CLSPN: variants seen among roughly 807,000 people sequenced by gnomAD.
CLSPN encodes the protein claspin.
Under a neutral mutation model 156.3 loss-of-function variants are expected in CLSPN, and 85 were observed. That is an observed-to-expected ratio of 0.54 (90% CI 0.46 to 0.65). The LOEUF (loss-of-function observed/expected upper bound fraction) is 0.65, where lower values mean the gene tolerates loss of function less well. CLSPN is among the 30% of genes least tolerant of loss of function. CLSPN has a pLI of 0.00. For synonymous variants in CLSPN, 534 were observed against 542.4 expected (o/e 0.98, Z 0.22); for missense variants, 1,407 against 1,554.9 (o/e 0.90, Z 1.60).
At chr1:35,739,881 G>A (rs1402150193) in intron 18 of CLSPN, among the ~76,000 whole-genome samples, 1 of 152,188 alleles carries the variant, frequency 6.6e-6, no homozygotes, top group East Asian at 1.9e-4. Context: ...TATGTCTTGT[G>A]TGCTAATAAC....
chr1:35,731,548 G>C (rs1042722139), downstream of CLSPN, among the ~76,000 whole-genome samples: 27 of 152,326 alleles, frequency 1.8e-4, no homozygotes, highest in African/African-American at 6.3e-4. Context: ...TCTGGCTGCT[G>C]TGCAGATTGG....
In CLSPN at chr1:35,738,084, T is replaced by G; in HGVS notation, c.3572A>C (p.Lys1191Thr). The change falls in exon 22 of 25, where the codon AAA becomes ACA. Residue 1191 changes from lysine to threonine, a missense_variant. Coordinates refer to ENST00000318121, the MANE Select transcript of CLSPN (RefSeq NM_022111.4). Reference protein sequence around the residue: ...QWLRDMAQQGKITAEEEEEIG... With the variant: ...QWLRDMAQQGTITAEEEEEIG... ...TTCTTCTTCTTCTTCAGCTGTAATT[T>G]TCCCCTGCTGTGCCTGAAAAAAAAA... 1 of 1,390,776 alleles carries G rather than the reference T, an allele frequency of 7.2e-7. No homozygotes were observed. The highest frequency in any genetic ancestry group is 2.2e-5 in the Admixed American group (1 of 46,452). The allele number at this position is 1,390,776 out of a possible 1,614,324, so 86.2% of individuals were successfully genotyped here. A position where few individuals can be genotyped will look rare whatever the true frequency, so the allele number is the denominator to read the frequency against.
chr1:35,735,794 T>C lies in CLSPN; in HGVS notation c.*702A>G, dbSNP rs950726663. The C allele has an allele frequency of 1.8e-4, 182 of 985,104 alleles. No individual in the cohort carries two copies. Among genetic ancestry groups the C allele is most frequent in the Non-Finnish European group, 2.1e-4 (172 of 829,888 alleles). 61.0% of individuals were successfully genotyped at this position (985,104 alleles called of 1,614,324 possible). On this transcript the variant is annotated 3_prime_UTR_variant, in exon 25 of 25. Coordinates refer to ENST00000318121, the MANE Select transcript of CLSPN (RefSeq NM_022111.4). Reference sequence around the variant, plus strand: ...TGTAAAGGAGTCATTATGGTACTGATTTTCACTGTTTAATCTGTAATGTCA... The same window carrying C: ...TGTAAAGGAGTCATTATGGTACTGACTTTCACTGTTTAATCTGTAATGTCA...
chr1:35,753,619 T>G, intron 9 of CLSPN, 126 bp downstream of exon 9: 1 of 840,594 alleles, frequency 1.2e-6, no homozygotes, highest in Non-Finnish European at 1.9e-6. Context: ...ATGCCAGAGA[T>G]ACTGCTCTGC....
rs755539172 is a variant in CLSPN, at chr1:35,761,141, C to T, written c.959G>A (p.Arg320His). Reference protein sequence around the residue: ...ENKTIHDFFKRKPRPTCHGNA... With the variant: ...ENKTIHDFFKHKPRPTCHGNA... The stretch of plus-strand genomic sequence containing the variant: ...TCCGTGGCAAGTGGGCCGGGGTTTA[C>T]GTTTGAAGAAATCATGAATGGTTTT... The change falls in exon 7 of 25, where the codon CGT (arginine) becomes CAT (histidine). Residue 320 changes from arginine to histidine, a missense_variant. Transcript: ENST00000318121. 3.6e-5 allele frequency: 58 copies of T among 1,613,518 alleles called. No individual in the cohort carries two copies. The East Asian group carries it at 6.7e-4, about 19-fold the overall frequency.
chr1:35,745,327 C>A, intron 16 of CLSPN, 124 bp downstream of exon 16: 1 of 668,238 alleles, frequency 1.5e-6, no homozygotes, highest in Non-Finnish European at 2.6e-6. Flanking sequence ...GCTTACTAGG[C>A]ATATATGAGA....
intron 10 of CLSPN, 102 bp from the exon 11 acceptor site, chr1:35,749,913 T>A (rs1642024725): frequency 1.5e-6 from 2 of 1,315,582 alleles, no homozygotes; most frequent in Middle Eastern, 2.7e-4. Flanking sequence ...ACAGATCACA[T>A]CTTAAATTCA....
At chr1:35,721,294 A>G (rs1252693412) in intron 24 of CLSPN, among the ~76,000 whole-genome samples, 1 of 151,994 alleles carries the variant, frequency 6.6e-6, no homozygotes, top group East Asian at 1.9e-4. Flanking sequence ...CCCTTCTCCT[A>G]TTCCTCTAGT....
chr1:35,765,274 C>A lies in CLSPN; in HGVS notation c.77G>T (p.Ser26Ile). The change falls in exon 2 of 25, where the codon AGT becomes ATT. Residue 26 changes from serine (S) to isoleucine (I), a missense_variant. By Grantham distance (142) the Ser-to-Ile change is moderately radical (BLOSUM62 -2). Transcript: ENST00000318121. The stretch of plus-strand genomic sequence containing the variant: ...GCTGCCCTGTCCACTATCTGAAGGA[C>A]TATCTGCTTCCTCTTGTGAAATGAC... ...PNVISQEEAD[S>I]PSDSGQGSYE... 3.1e-6 allele frequency: 5 copies of A among 1,613,990 alleles called. No individual in the cohort carries two copies. Among genetic ancestry groups the A allele is most frequent in the Non-Finnish European group, 4.2e-6 (5 of 1,179,968 alleles).
rs756729558 is a variant in CLSPN at position 35,745,452 on chromosome 1, T to C, written c.2965A>G (p.Lys989Glu). 2 of 1,606,988 alleles carry C rather than the reference T, an allele frequency of 1.2e-6. No individual in the cohort carries two copies. The highest frequency in any genetic ancestry group is 1.1e-5 in the South Asian group (1 of 90,936). ...ALCSGSFPTD[K>E]EEEDEEEEFG... ...AATTCCCAGCAATCTGAGACTTACTTGTCTGTGGGAAAAGAGCCTGAGCAA... is the reference window on the plus strand; with the variant it reads ...AATTCCCAGCAATCTGAGACTTACTCGTCTGTGGGAAAAGAGCCTGAGCAA... The change falls in exon 16 of 25, where the codon AAG becomes GAG. Residue 989 changes from lysine to glutamate, a missense_variant and splice_region_variant. Physicochemically the swap from Lys to Glu is moderately conservative, Grantham distance 56. Coordinates refer to ENST00000318121, the MANE Select transcript of CLSPN (RefSeq NM_022111.4).
At position 35,746,999 on chromosome 1, in the gene CLSPN, A is replaced by T. The variant is rs1296729205; in HGVS notation, c.2628-7T>A. 6.2e-7 allele frequency: 1 copy of T among 1,606,074 alleles called. No individual in the cohort carries two copies. The highest frequency in any genetic ancestry group is 8.5e-7 in the Non-Finnish European group (1 of 1,172,964). On this transcript the variant is annotated splice_polypyrimidine_tract_variant and splice_region_variant and intron_variant, in intron 14 of 24. Transcript: ENST00000318121. The surrounding 1 kb of genome is among the most constrained non-coding windows in gnomAD (Gnocchi z 4.2). Reference sequence around the variant, plus strand: ...GTTTCTAACATTTAAGAACCTAAGAACCAATGAGCACAACGAATAGTGTAA... The same window carrying T: ...GTTTCTAACATTTAAGAACCTAAGATCCAATGAGCACAACGAATAGTGTAA...
Position 35,734,893 on chromosome 1 carries a change from T to C in CLSPN, c.*1603A>G. 2.0e-6 allele frequency: 2 copies of C among 985,400 alleles called. No individual in the cohort carries two copies. Among genetic ancestry groups the C allele is most frequent in the Non-Finnish European group, 2.4e-6 (2 of 829,922 alleles). The allele number at this position is 985,400 out of a possible 1,614,324, so 61.0% of individuals were successfully genotyped here. A position where few individuals can be genotyped will look rare whatever the true frequency, so the allele number is the denominator to read the frequency against. ...TTTCCAAAGCAGCACTGATGCTCAG[T>C]TCTGAGGGGAAAAACATTTGTCTAA... On this transcript the variant is annotated 3_prime_UTR_variant, in exon 25 of 25. Transcript: ENST00000318121.
At chr1:35,745,833 C>G (rs933847242) in intron 15 of CLSPN, among the ~76,000 whole-genome samples, 5 of 152,110 alleles carry the variant, frequency 3.3e-5, no homozygotes, top group Middle Eastern at 3.2e-3. Context: ...GGGCAGGGAA[C>G]AGGAAGTAAG....
At position 35,738,111 on chromosome 1, in the gene CLSPN, AAAATATAT is replaced by A. The variant is rs59268543; in HGVS notation, c.3559-22_3559-15del. The A allele has an allele frequency of 0.085, 52,113 of 614,800 alleles. 4,564 individuals carry two copies. The highest frequency in any genetic ancestry group is 0.35 in the East Asian group (8,584 of 24,338). 38.1% of individuals were successfully genotyped at this position (614,800 alleles called of 1,614,324 possible). On this transcript the variant is annotated splice_polypyrimidine_tract_variant and intron_variant, in intron 21 of 24. Coordinates refer to ENST00000318121, the MANE Select transcript of CLSPN (RefSeq NM_022111.4). ...CCCCTGCTGTGCCTGAAAAAAAAAA[AAAATATAT>A]ATATATATATATATATATATACAGC...
intron 8 of CLSPN, among the ~76,000 whole-genome samples, chr1:35,756,739 T>C (rs568603108): frequency 6.6e-5 from 10 of 152,270 alleles, no homozygotes; most frequent in African/African-American, 2.4e-4. Context: ...AAATTTAAAT[T>C]TACATGCATT....
intron 1 of CLSPN, among the ~76,000 whole-genome samples, chr1:35,769,358 C>G (rs1057419971): frequency 2.6e-5 from 4 of 152,146 alleles, no homozygotes; most frequent in African/African-American, 9.7e-5. Flanking sequence ...GGTCGGAAAA[C>G]GCAAAGGGCC....
chr1:35,769,375 C>G (rs531787173), intron 1 of CLSPN, among the ~76,000 whole-genome samples: 1 of 152,244 alleles, frequency 6.6e-6, no homozygotes, highest in South Asian at 2.1e-4. Flanking sequence ...GGCCTGCGCG[C>G]GATGACCTCC....
chr1:35,762,652 T>C (rs1642522887), intron 4 of CLSPN, among the ~76,000 whole-genome samples, 171 bp from the exon 5 acceptor site: 1 of 152,158 alleles, frequency 6.6e-6, no homozygotes, highest in African/African-American at 2.4e-5. Flanking sequence ...AGAAAACAGA[T>C]ACCTCAGATG....
At chr1:35,723,314 G>A (rs2148605647) in intron 24 of CLSPN, among the ~76,000 whole-genome samples, 1 of 152,318 alleles carries the variant, frequency 6.6e-6, no homozygotes, top group South Asian at 2.1e-4. Flanking sequence ...ATGCCATCAA[G>A]ACCCAATGAT....
Sources: gnomAD v4.1 joint callset for allele counts (sites outside exome capture counted in the v4.1 genomes callset) on GRCh38, gnomAD v4.1.1 for gene constraint, Gnocchi (gnomAD v3.1) non-coding constraint, MANE v1.5 for transcripts, NCBI Gene and HGNC (gene_info 2026-07-23, HGNC 2026-07-21) for gene names.